The following LRRC8D variants were observed in gnomAD, a reference collection of about 807,000 sequenced individuals.
LRRC8D encodes volume-regulated anion channel subunit LRRC8D.
LRRC8D carries 20 observed loss-of-function variants against 55.8 expected under a neutral mutation model. The observed-to-expected ratio is 0.36, with a 90% confidence interval of 0.25 to 0.52. The LOEUF (loss-of-function observed/expected upper bound fraction) is 0.52, where lower values mean the gene tolerates loss of function less well. Among genes scored for constraint, LRRC8D ranks in the 20% least tolerant of loss-of-function variants. The pLI, the probability that LRRC8D is intolerant of heterozygous loss-of-function variation, is 0.93. For synonymous variants in LRRC8D, 352 were observed against 377.0 expected (o/e 0.93, Z 0.77); for missense variants, 651 against 1,030.8 (o/e 0.63, Z 5.05).
Position 89,935,294 on chromosome 1 carries a change from A to G in LRRC8D, c.2226A>G (p.Ser742=), listed in dbSNP as rs1557492518. The G allele has an allele frequency of 6.2e-7, 1 of 1,614,110 alleles. No homozygotes were observed. The highest frequency in any genetic ancestry group is 1.1e-5 in the South Asian group (1 of 91,090). ...RCLDVSYNNI[S]MIPIEIGLLQ... Reference sequence around the variant, plus strand: ...TAGATGTGAGCTACAACAACATTTCAATGATTCCAATAGAAATAGGATTGC... The same window carrying G: ...TAGATGTGAGCTACAACAACATTTCGATGATTCCAATAGAAATAGGATTGC... Residue 742 remains serine (S), a synonymous_variant, in exon 3 of 3, where the codon TCA becomes TCG. Transcript: ENST00000337338.
At position 89,935,109 on chromosome 1, in the gene LRRC8D, C is replaced by T. The variant is rs768321927; in HGVS notation, c.2041C>T (p.His681Tyr). The T allele has an allele frequency of 6.2e-7, 1 of 1,614,168 alleles. No individual in the cohort carries two copies. ...RTIEEIISFQ[H>Y]LKRLTCLKLW... ...AATTGAGGAAATCATCAGTTTCCAG[C>T]ATTTAAAACGACTGACTTGTTTAAA... is the stretch of plus-strand genomic sequence containing the variant. The change falls in exon 3 of 3, where the codon CAT becomes TAT. Residue 681 changes from histidine (H) to tyrosine (Y), a missense_variant. His to Tyr is a moderately conservative substitution (Grantham distance 83). Around this residue, in one of 5 missense-constraint regions of LRRC8D, gnomAD observed 338 missense variants for 479.4 expected, o/e 0.71. Coordinates refer to ENST00000337338, the MANE Select transcript of LRRC8D (RefSeq NM_001134479.2).
chr1:89,907,803 A>G (rs1393157719), intron 2 of LRRC8D, among the ~76,000 whole-genome samples: 1 of 152,112 alleles, frequency 6.6e-6, no homozygotes, highest in Non-Finnish European at 1.5e-5. Flanking sequence ...TTCCACCATC[A>G]CCACCAGCCC....
chr1:89,827,306 C>T (rs569576187), intron 1 of LRRC8D, among the ~76,000 whole-genome samples: 3 of 147,104 alleles, frequency 2.0e-5, no homozygotes, highest in African/African-American at 7.6e-5. Context: ...GCTGAGATCG[C>T]GCCATTGCAC....
chr1:89,881,072 AC>A (rs1662270957), intron 2 of LRRC8D, among the ~76,000 whole-genome samples: 2 of 152,140 alleles, frequency 1.3e-5, no homozygotes, highest in Admixed American at 1.3e-4. Context: ...GCAAGTTCTT[AC>A]CTATGGGCTC....
At chr1:89,887,921 G>A (rs1178192966) in intron 2 of LRRC8D, among the ~76,000 whole-genome samples, 1 of 152,180 alleles carries the variant, frequency 6.6e-6, no homozygotes, top group East Asian at 1.9e-4. Flanking sequence ...TAGAAGAGGG[G>A]TGGACTGATC....
intron 1 of LRRC8D, among the ~76,000 whole-genome samples, chr1:89,830,218 C>G (rs532100067): frequency 2.6e-5 from 4 of 152,112 alleles, no homozygotes; most frequent in Non-Finnish European, 5.9e-5. Flanking sequence ...TGAATTTATT[C>G]TGTTCAAGTT....
intron 1 of LRRC8D, among the ~76,000 whole-genome samples, chr1:89,840,771 C>T (rs749885143): frequency 4.6e-5 from 7 of 152,306 alleles, no homozygotes; most frequent in South Asian, 2.1e-4. Context: ...ATAGTCTAAT[C>T]GCATGAGTCC....
chr1:89,865,990 A>G (rs985550092), intron 2 of LRRC8D, among the ~76,000 whole-genome samples: 1 of 152,214 alleles, frequency 6.6e-6, no homozygotes, highest in Non-Finnish European at 1.5e-5. Context: ...CTTGAACAGA[A>G]CTTTTTGTTA....
chr1:89,895,567 T>C (rs1662686898), intron 2 of LRRC8D, among the ~76,000 whole-genome samples: 1 of 152,238 alleles, frequency 6.6e-6, no homozygotes, highest in African/African-American at 2.4e-5. Context: ...TTTTTTACTT[T>C]TAATTTTCTA....
At chr1:89,821,352 G>C (rs1427178560) in intron 1 of LRRC8D, 61 bp downstream of exon 1, 1 of 152,136 alleles carries the variant, frequency 6.6e-6, no homozygotes, top group African/African-American at 2.4e-5. Context: ...CGCGCAGGTG[G>C]AGCCGCGCCG....
intron 2 of LRRC8D, among the ~76,000 whole-genome samples, chr1:89,898,230 A>G (rs1431665296): frequency 6.6e-6 from 1 of 152,238 alleles, no homozygotes; most frequent in Non-Finnish European, 1.5e-5. Flanking sequence ...CACCACATTT[A>G]TCAAATCTAA....
At chr1:89,828,237 A>G (rs1321669639) in intron 1 of LRRC8D, among the ~76,000 whole-genome samples, 1 of 152,230 alleles carries the variant, frequency 6.6e-6, no homozygotes, top group Non-Finnish European at 1.5e-5. Flanking sequence ...CAAACAGCAC[A>G]TGGTCCACCA....
intron 2 of LRRC8D, chr1:89,846,610 C>G (rs551673005): frequency 6.6e-5 from 10 of 152,234 alleles, no homozygotes; most frequent in African/African-American, 2.4e-4. Flanking sequence ...TACCAAATCT[C>G]CAGGTTTTTC....
chr1:89,908,341 A>G (rs1258407789), intron 2 of LRRC8D, among the ~76,000 whole-genome samples: 1 of 152,210 alleles, frequency 6.6e-6, no homozygotes, highest in Admixed American at 6.5e-5. Context: ...TTTCATAGAC[A>G]CAAGAACTGA....
intron 2 of LRRC8D, among the ~76,000 whole-genome samples, chr1:89,879,489 G>C (rs530146685): frequency 9.5e-4 from 145 of 152,262 alleles, no homozygotes; most frequent in African/African-American, 3.3e-3. Flanking sequence ...ATAGGAAGCT[G>C]GTGAGATGGT....
chr1:89,911,315 A>G lies in LRRC8D; in HGVS notation c.-2-21752A>G, dbSNP rs1203399867. ...GTGGTTAGCAAGATTAATGTTTACC[A>G]GTTTGCTGAAGGGAAAATCAAACAA... On this transcript the variant is annotated intron_variant, in intron 2 of 2. Coordinates refer to ENST00000337338, the MANE Select transcript of LRRC8D (RefSeq NM_001134479.2). The surrounding 1 kb of genome is among the most constrained non-coding windows in gnomAD (Gnocchi z 4.0). Among the ~76,000 whole-genome samples, 3 of 152,280 alleles carry G rather than the reference A, an allele frequency of 2.0e-5. No homozygotes were observed. The highest frequency in any genetic ancestry group is 7.2e-5 in the African/African-American group (3 of 41,568).
chr1:89,824,388 C>T (rs1660716396), intron 1 of LRRC8D, among the ~76,000 whole-genome samples: 1 of 152,098 alleles, frequency 6.6e-6, no homozygotes, highest in South Asian at 2.1e-4. Flanking sequence ...CAGATGAGCA[C>T]AGTATGATAG....
intron 2 of LRRC8D, among the ~76,000 whole-genome samples, chr1:89,903,202 T>TGAGTGCAAAGGCAGA (rs143350906): frequency 0.23 from 35,047 of 152,116 alleles, 4,816 homozygotes; most frequent in African/African-American, 0.38. Context: ...GTATGTTCTC[T>TGAGTGCAAAGGCAGA]GAGGGTAGAG....
At chr1:89,912,739 A>C (rs930677821) in intron 2 of LRRC8D, among the ~76,000 whole-genome samples, 13 of 152,194 alleles carry the variant, frequency 8.5e-5, no homozygotes, top group African/African-American at 3.1e-4. Flanking sequence ...ATTACAATAT[A>C]TTGTTCATAA....
Sources: allele counts gnomAD v4.1 joint callset (sites outside exome capture counted in the v4.1 genomes callset), GRCh38; gene constraint gnomAD v4.1.1; regional missense constraint gnomAD v4.1.1; non-coding constraint Gnocchi (gnomAD v3.1); transcripts MANE v1.5; gene names NCBI Gene and HGNC (gene_info 2026-07-23, HGNC 2026-07-21).